Variants in PPP2R2B observed in about 807,000 individuals in gnomAD.
PPP2R2B encodes the protein protein phosphatase 2 regulatory subunit Bbeta, also known as serine/threonine-protein phosphatase 2A 55 kDa regulatory subunit B beta isoform.
In PPP2R2B, 5 loss-of-function variants were observed where a neutral mutation model predicts 46.0. The ratio of observed to expected loss-of-function variants is 0.11; its 90% CI spans 0.06 to 0.23. The LOEUF is 0.23. PPP2R2B is among the 10% of genes least tolerant of loss of function. The probability of loss-of-function intolerance (pLI) is 1.00; values close to 1 mark genes in which losing one functional copy is unlikely to be tolerated. For missense variants in PPP2R2B, 367 were observed against 575.0 expected (o/e 0.64, Z 3.70); for synonymous variants, 215 against 206.7 (o/e 1.04, Z -0.34).
chr5:146,995,901 CA>C (rs905993690), intron 1 of PPP2R2B, among the ~76,000 whole-genome samples: 5 of 152,140 alleles, frequency 3.3e-5, no homozygotes, highest in African/African-American at 1.2e-4. Context: ...ATAAGGTTTT[CA>C]AACCAGCAAT....
chr5:146,986,381 G>C (rs1046214534), intron 1 of PPP2R2B, among the ~76,000 whole-genome samples: 22 of 152,164 alleles, frequency 1.4e-4, no homozygotes, highest in Admixed American at 6.5e-4. Context: ...TGCTGCTGCA[G>C]CTGGAAGAAA....
chr5:146,688,132 C>T (rs1315921798), intron 5 of PPP2R2B, among the ~76,000 whole-genome samples: 1 of 151,894 alleles, frequency 6.6e-6, no homozygotes, highest in Admixed American at 6.6e-5. Context: ...TTAAAGAGTG[C>T]TGTGGTGTGG....
At chr5:146,763,250 A>C (rs1754275130) in intron 2 of PPP2R2B, among the ~76,000 whole-genome samples, 1 of 152,246 alleles carries the variant, frequency 6.6e-6, no homozygotes, top group Admixed American at 6.5e-5. Context: ...AAATAGCTCC[A>C]GGGCACAGAC....
At chr5:146,762,864 G>C (rs566331734) in intron 2 of PPP2R2B, among the ~76,000 whole-genome samples, 2 of 152,350 alleles carry the variant, frequency 1.3e-5, no homozygotes, top group Admixed American at 6.5e-5. Flanking sequence ...ACCAGACCAA[G>C]TCCAGGTCTG....
At position 146,590,212 on chromosome 5, in the gene PPP2R2B, C is replaced by G. The variant is rs755636353; in HGVS notation, c.1067G>C (p.Gly356Ala). 1 of 1,591,556 alleles carries G rather than the reference C, an allele frequency of 6.3e-7. No individual in the cohort carries two copies. Among genetic ancestry groups the G allele is most frequent in the Admixed American group, 1.7e-5 (1 of 59,216 alleles). ...WNGSDSVIMT[G>A]SYNNFFRMFD... is the part of the protein sequence containing the mutation. ...CATCCTGAAGAAGTTGTTGTAGGAG[C>G]CTGTCATGATGACACTGCAAGGCAG... The change falls in exon 10 of 10, where the codon GGC becomes GCC. Residue 356 changes from glycine (G) to alanine (A), a missense_variant. Coordinates refer to ENST00000394411, the MANE Select transcript of PPP2R2B (RefSeq NM_181675.4).
intron 5 of PPP2R2B, among the ~76,000 whole-genome samples, chr5:146,664,086 C>T (rs1056739870): frequency 1.3e-5 from 2 of 152,060 alleles, no homozygotes; most frequent in African/African-American, 2.4e-5. Flanking sequence ...GTGATCCACC[C>T]ACCTTGGACT....
chr5:147,006,051 C>T (rs1754422342), intron 1 of PPP2R2B, among the ~76,000 whole-genome samples: 1 of 152,168 alleles, frequency 6.6e-6, no homozygotes. Context: ...GGTTTCCTAA[C>T]AGGGGGATCT....
intron 1 of PPP2R2B, among the ~76,000 whole-genome samples, chr5:146,913,617 GCT>G (rs1251282535): frequency 2.6e-5 from 4 of 150,966 alleles, no homozygotes; most frequent in Non-Finnish European, 5.9e-5. Context: ...TTTGCCTTTA[GCT>G]GAGGACCCCA....
intron 2 of PPP2R2B, among the ~76,000 whole-genome samples, chr5:146,857,437 T>C (rs1760739753): frequency 6.6e-6 from 1 of 152,210 alleles, no homozygotes; most frequent in Non-Finnish European, 1.5e-5. Flanking sequence ...ATCTTAAATT[T>C]ATTATCCTTA....
At chr5:146,609,732 G>T (rs556485995) in intron 7 of PPP2R2B, among the ~76,000 whole-genome samples, 2 of 144,174 alleles carry the variant, frequency 1.4e-5, no homozygotes, top group African/African-American at 5.3e-5. Flanking sequence ...AAGGGGTGAC[G>T]GACGCACCTG....
chr5:146,889,788 C>G (rs1762438406), intron 1 of PPP2R2B, among the ~76,000 whole-genome samples: 1 of 152,186 alleles, frequency 6.6e-6, no homozygotes, highest in Non-Finnish European at 1.5e-5. Context: ...TAATTGTTGT[C>G]AGAAGTTAGG....
At chr5:146,655,978 A>G (rs1430505495) in intron 5 of PPP2R2B, among the ~76,000 whole-genome samples, 1 of 152,168 alleles carries the variant, frequency 6.6e-6, no homozygotes, top group Non-Finnish European at 1.5e-5. Context: ...GAGAGACAGC[A>G]AAGTATACAC....
At chr5:146,735,697 AC>A (rs1342175115) in intron 2 of PPP2R2B, among the ~76,000 whole-genome samples, 1 of 152,198 alleles carries the variant, frequency 6.6e-6, no homozygotes, top group African/African-American at 2.4e-5. Flanking sequence ...ACGCTGAGGG[AC>A]ACTTGTCAAA....
chr5:146,638,270 C>T lies in PPP2R2B; in HGVS notation c.771G>A (p.Leu257=), dbSNP rs1774954603. 1.2e-6 allele frequency: 2 copies of T among 1,613,492 alleles called. No individual in the cohort carries two copies. The highest frequency in any genetic ancestry group is 1.7e-5 in the Admixed American group (1 of 59,990). ...ACTCACATTTGGTGTGCCTGTCACA[C>T]AGGGCAGATGCCCGCATGTCACACA... The part of the protein sequence containing the change: ...IRLCDMRASA[L]CDRHTKFFEE... Residue 257 remains leucine (L), a synonymous_variant, in exon 7 of 10, where the codon CTG becomes CTA. Transcript: ENST00000394411.
At chr5:147,025,215 A>T (rs562508005) in intron 1 of PPP2R2B, among the ~76,000 whole-genome samples, 3 of 152,076 alleles carry the variant, frequency 2.0e-5, no homozygotes, top group Non-Finnish European at 4.4e-5. Flanking sequence ...ACAATTTAAC[A>T]AAACTGATAT....
rs1762019500 is a variant in PPP2R2B, at chr5:146,878,266, T to C, written c.-124-71A>G. The C allele has an allele frequency of 3.4e-6, 5 of 1,483,200 alleles. No individual in the cohort carries two copies. Among genetic ancestry groups the C allele is most frequent in the Non-Finnish European group, 4.5e-6 (5 of 1,120,226 alleles). 91.9% of individuals were successfully genotyped at this position (1,483,200 alleles called of 1,614,324 possible). On this transcript the variant is annotated intron_variant, in intron 1 of 9. Coordinates refer to ENST00000394411, the MANE Select transcript of PPP2R2B (RefSeq NM_181675.4). This position sits in a 1 kb window ranked among gnomAD's most constrained non-coding sequence, Gnocchi z 4.5. ...GCAATGGAGCTGTCACCTCCTCCAC[T>C]CGGGTTCTGCGAGGCTGCGGCGGCT...
intron 1 of PPP2R2B, among the ~76,000 whole-genome samples, chr5:146,913,718 A>C (rs187474674): frequency 3.9e-5 from 6 of 152,334 alleles, no homozygotes; most frequent in Non-Finnish European, 7.3e-5. Flanking sequence ...AACGCTCTCT[A>C]ATACCATAAA....
chr5:146,775,573 G>C (rs1755132822), intron 2 of PPP2R2B, among the ~76,000 whole-genome samples: 2 of 152,010 alleles, frequency 1.3e-5, no homozygotes, highest in African/African-American at 2.4e-5. Flanking sequence ...ATTCAACAAA[G>C]ATGCCTGCTT....
In PPP2R2B at chr5:146,767,198, T is replaced by C. The variant is rs112179619; in HGVS notation, c.71-66056A>G. Among the ~76,000 whole-genome samples the C allele has an allele frequency of 4.1e-3, 622 of 151,906 alleles. 5 individuals carry two copies. The highest frequency in any genetic ancestry group is 0.014 in the African/African-American group (571 of 41,346). ...CACAAAACAGGAATACTTGAGAATA[T>C]ATAAAAGTGGCTCATATCCTTCAAA... On this transcript the variant is annotated intron_variant, in intron 2 of 9. Transcript: ENST00000394411.
Sources: allele counts gnomAD v4.1 joint callset (sites outside exome capture counted in the v4.1 genomes callset), GRCh38; gene constraint gnomAD v4.1.1; non-coding constraint Gnocchi (gnomAD v3.1); transcripts MANE v1.5; gene names NCBI Gene and HGNC (gene_info 2026-07-23, HGNC 2026-07-21).